RSPH14: variants seen among roughly 807,000 people sequenced by gnomAD.
RSPH14 encodes the protein rhabdoid tumor deletion region gene 1.
Under a neutral mutation model 26.7 loss-of-function variants are expected in RSPH14, and 20 were observed. The ratio of observed to expected loss-of-function variants is 0.75; its 90% CI spans 0.53 to 1.09. The LOEUF (loss-of-function observed/expected upper bound fraction) is 1.09, where lower values mean the gene tolerates loss of function less well. RSPH14 is among the 50% of genes least tolerant of loss of function. The pLI, the probability that RSPH14 is intolerant of heterozygous loss-of-function variation, is 0.00. For synonymous variants in RSPH14, 177 were observed against 189.3 expected (o/e 0.93, Z 0.53); for missense variants, 449 against 457.2 (o/e 0.98, Z 0.16).
At chr22:23,178,750 A>G in the RSPH14 span, among the ~76,000 whole-genome samples, 3 of 152,152 alleles carry the variant, frequency 2.0e-5, no homozygotes, top group Non-Finnish European at 4.4e-5. Context: ...CCTACACACC[A>G]TTTATCAGGT....
chr22:23,178,030 G>A, the RSPH14 span, among the ~76,000 whole-genome samples: 1 of 152,058 alleles, frequency 6.6e-6, no homozygotes, highest in Non-Finnish European at 1.5e-5. Flanking sequence ...TGAACTCCTG[G>A]GCTCAAGCGA....
chr22:23,088,844 G>A (rs1475528907), intron 4 of RSPH14, among the ~76,000 whole-genome samples: 2 of 152,204 alleles, frequency 1.3e-5, no homozygotes, highest in Admixed American at 1.3e-4. Context: ...GGCCTGGGCT[G>A]CCTGCCACCT....
chr22:23,169,960 G>GGTGGTGTGTGCCTACAT, the RSPH14 span, among the ~76,000 whole-genome samples: 33 of 152,186 alleles, frequency 2.2e-4, no homozygotes, highest in African/African-American at 7.5e-4. Context: ...AGCTGGGCAT[G>GGTGGTGTGTGCCTACAT]GTGGTGTGTG....
At chr22:23,170,817 A>C in the RSPH14 span, among the ~76,000 whole-genome samples, 1 of 71,790 alleles carries the variant, frequency 1.4e-5, no homozygotes, top group South Asian at 5.1e-4. Flanking sequence ...ATTGAGGGTT[A>C]GAATTTCATA....
At chr22:23,158,177 T>G in the RSPH14 span, 1 of 1,508,782 alleles carries the variant, frequency 6.6e-7, no homozygotes, top group Non-Finnish European at 8.8e-7. Context: ...CAGAACCAGC[T>G]GCCCACGGAC....
chr22:23,173,740 T>C, the RSPH14 span, among the ~76,000 whole-genome samples: 1 of 151,354 alleles, frequency 6.6e-6, no homozygotes, highest in East Asian at 2.0e-4. Context: ...GGAGTCTCGC[T>C]CTGTCACCTA....
At chr22:23,096,328 G>A in intron 4 of RSPH14, 1 of 1,613,932 alleles carries the variant, frequency 6.2e-7, no homozygotes, top group Non-Finnish European at 8.5e-7. Context: ...AGCGCAAAAA[G>A]TGGATCCACT....
intron 4 of RSPH14, among the ~76,000 whole-genome samples, chr22:23,090,307 C>T (rs905318584): frequency 3.9e-5 from 6 of 152,098 alleles, no homozygotes; most frequent in Non-Finnish European, 7.4e-5. Flanking sequence ...CCCACCCAGC[C>T]GCCACTCCAT....
At chr22:23,081,921 C>T (rs1166188899) in intron 4 of RSPH14, among the ~76,000 whole-genome samples, 12 of 149,916 alleles carry the variant, frequency 8.0e-5, no homozygotes, top group Non-Finnish European at 1.3e-4. Context: ...GTCAGGAGAT[C>T]GAGACCATCC....
intron 4 of RSPH14, among the ~76,000 whole-genome samples, chr22:23,116,348 G>T (rs545344737): frequency 1.1e-3 from 167 of 152,378 alleles, no homozygotes; most frequent in Middle Eastern, 6.8e-3. Flanking sequence ...CGCCTGAGGG[G>T]CCCAGAAGTG....
chr22:23,177,303 C>T, the RSPH14 span, among the ~76,000 whole-genome samples: 18 of 152,210 alleles, frequency 1.2e-4, no homozygotes, highest in East Asian at 2.7e-3. Context: ...TTGCTATAGC[C>T]GGGCTGTGAA....
chr22:23,096,265 C>T lies in RSPH14; in HGVS notation c.422-32132G>A, dbSNP rs143543596. ...CCACGGGCATTGTGGAGAACAAGTT[C>T]ACCTTCAAGGAGCTCACCTTCAAGA... On this transcript the variant is annotated intron_variant, in intron 4 of 6. Transcript: ENST00000216036. 4.6e-4 allele frequency: 740 copies of T among 1,613,936 alleles called. 3 individuals are homozygous for T. Among genetic ancestry groups the T allele is most frequent in the Non-Finnish European group, 5.9e-4 (700 of 1,180,042 alleles).
the RSPH14 span, chr22:23,162,469 C>T: frequency 8.6e-5 from 32 of 372,968 alleles, no homozygotes; most frequent in Admixed American, 9.4e-4. Context: ...TTGGCCTATA[C>T]ATCTCTTAGG....
chr22:23,070,222 A>C (rs2068309736), intron 4 of RSPH14: 1 of 150,434 alleles, frequency 6.6e-6, no homozygotes, highest in African/African-American at 2.4e-5. Context: ...GGCGGGGCGG[A>C]GGTGCCCGGC....
At chr22:23,097,337 G>A (rs1433365208) in intron 4 of RSPH14, among the ~76,000 whole-genome samples, 2 of 152,314 alleles carry the variant, frequency 1.3e-5, no homozygotes, top group Admixed American at 1.3e-4. Flanking sequence ...TATTCTTTAG[G>A]TTCAGCGGAG....
upstream of RSPH14, among the ~76,000 whole-genome samples, chr22:23,148,573 G>T (rs1318914617): frequency 1.3e-5 from 2 of 152,154 alleles, no homozygotes; most frequent in Non-Finnish European, 2.9e-5. Context: ...CTCCCCTCCT[G>T]CCCATAATAG....
the RSPH14 span, chr22:23,159,130 G>C: frequency 4.4e-6 from 7 of 1,606,608 alleles, no homozygotes; most frequent in Non-Finnish European, 5.9e-6. Context: ...AGGAGAGCCG[G>C]GACGCTGGGT....
At chr22:23,169,692 C>T in the RSPH14 span, among the ~76,000 whole-genome samples, 1 of 152,242 alleles carries the variant, frequency 6.6e-6, no homozygotes, top group Admixed American at 6.5e-5. Context: ...GCTGAAGGAC[C>T]TCAGTTCCAG....
chr22:23,134,691 C>A (rs2070431908), intron 3 of RSPH14, among the ~76,000 whole-genome samples: 1 of 151,918 alleles, frequency 6.6e-6, no homozygotes, highest in African/African-American at 2.4e-5. Context: ...ATGGCAAAAC[C>A]CCGTCTCTAC....
Sources: allele counts gnomAD v4.1 joint callset (sites outside exome capture counted in the v4.1 genomes callset), GRCh38; gene constraint gnomAD v4.1.1; transcripts MANE v1.5; gene names NCBI Gene and HGNC (gene_info 2026-07-23, HGNC 2026-07-21).